RBFOX1: variants seen among roughly 807,000 people sequenced by gnomAD.
RBFOX1 encodes RNA binding protein fox-1 homolog 1.
A neutral mutation model predicts 57.7 loss-of-function variants in RBFOX1; 8 were observed. The observed-to-expected ratio is 0.14, with a 90% CI of 0.08 to 0.25. The LOEUF (loss-of-function observed/expected upper bound fraction) is 0.25, where lower values mean the gene tolerates loss of function less well. RBFOX1 is among the 10% of genes least tolerant of loss of function. RBFOX1 has a pLI of 1.00. For missense variants in RBFOX1, 611 were observed against 548.5 expected (o/e 1.11, Z -1.14); for synonymous variants, 326 against 222.4 (o/e 1.47, Z -4.15).
chr16:6,255,555 C>T (rs2097655676), intron 1 of RBFOX1, among the ~76,000 whole-genome samples: 1 of 151,972 alleles, frequency 6.6e-6, no homozygotes, highest in South Asian at 2.1e-4. Flanking sequence ...CAGGTGGGTG[C>T]CAACAGGAGG....
At chr16:5,786,785 A>G (rs1567540892) in intron 3 of RBFOX1, among the ~76,000 whole-genome samples, 1 of 152,170 alleles carries the variant, frequency 6.6e-6, no homozygotes, top group Non-Finnish European at 1.5e-5. Context: ...ACAGTGAGAA[A>G]TTGGTGTTTG....
At chr16:6,779,999 A>ATATATT (rs1567211186) in intron 3 of RBFOX1, among the ~76,000 whole-genome samples, 1 of 18,610 alleles carries the variant, frequency 5.4e-5, no homozygotes, top group African/African-American at 2.6e-4. Context: ...TTATATATTT[A>ATATATT]TATATATTTA....
intron 3 of RBFOX1, among the ~76,000 whole-genome samples, chr16:5,794,108 G>C (rs2054795393): frequency 6.6e-6 from 1 of 152,162 alleles, no homozygotes; most frequent in South Asian, 2.1e-4. Flanking sequence ...TACATCTGTG[G>C]TGTTGGGCAT....
intron 1 of RBFOX1, among the ~76,000 whole-genome samples, chr16:6,069,398 CAAA>C (rs34337622): frequency 0.12 from 13,272 of 113,844 alleles, 852 homozygotes; most frequent in East Asian, 0.3. Context: ...AACTCTGCCT[CAAA>C]AAAAAAAAAA....
chr16:6,965,777 A>C (rs1315507243), intron 3 of RBFOX1, among the ~76,000 whole-genome samples: 1 of 152,218 alleles, frequency 6.6e-6, no homozygotes, highest in Non-Finnish European at 1.5e-5. Context: ...CTCCATAGCA[A>C]GTACTCACTT....
chr16:6,372,208 G>C (rs1481935466), intron 2 of RBFOX1, among the ~76,000 whole-genome samples: 1 of 151,754 alleles, frequency 6.6e-6, no homozygotes, highest in African/African-American at 2.4e-5. Flanking sequence ...CGGATGAGAG[G>C]GTGGTTGGTA....
chr16:5,707,775 A>G (rs911179539), intron 3 of RBFOX1, among the ~76,000 whole-genome samples: 7 of 152,192 alleles, frequency 4.6e-5, no homozygotes, highest in Admixed American at 4.6e-4. Flanking sequence ...AACCTGTGTA[A>G]AGGACATGGT....
intron 2 of RBFOX1, among the ~76,000 whole-genome samples, chr16:6,330,504 T>C (rs1459315429): frequency 1.3e-5 from 2 of 152,178 alleles, no homozygotes; most frequent in African/African-American, 4.8e-5. Flanking sequence ...CTAACATTCC[T>C]GTGATGCTCT....
intron 1 of RBFOX1, among the ~76,000 whole-genome samples, chr16:6,279,787 G>T (rs1392911532): frequency 1.3e-5 from 2 of 152,084 alleles, no homozygotes; most frequent in African/African-American, 4.8e-5. Context: ...ACAAAACCTG[G>T]CTGAAAGATT....
In RBFOX1 at chr16:6,097,370, C is replaced by G. The variant is rs2096257859; in HGVS notation, c.-127+77378C>G. The stretch of plus-strand genomic sequence containing the variant: ...GATATTAAAATTTTGCAAGCCGCCA[C>G]TCTAGAGAAGTACCACTCAAACCAT... On this transcript the variant is annotated intron_variant, in intron 1 of 15. Transcript: ENST00000550418. The surrounding 1 kb of genome is among the most constrained non-coding windows in gnomAD (Gnocchi z 5.0). 6.6e-6 allele frequency among the ~76,000 whole-genome samples: 1 copy of G among 152,116 alleles called. No homozygotes were observed. The highest frequency in any genetic ancestry group is 1.5e-5 in the Non-Finnish European group (1 of 68,038).
rs74007091 is a variant in RBFOX1 at position 6,812,109 on chromosome 16, C to T, written c.-16+157459C>T. On this transcript the variant is annotated intron_variant, in intron 3 of 15. Coordinates refer to ENST00000550418, the MANE Select transcript of RBFOX1 (RefSeq NM_018723.4). ...ACTCCATATGATGAAGAAGCCTTCA[C>T]GAGAAACTCACTACCAAAGCAAAAT... 7.1e-3 allele frequency among the ~76,000 whole-genome samples: 1,088 copies of T among 152,170 alleles called. 14 individuals carry two copies. Among genetic ancestry groups the T allele is most frequent in the African/African-American group, 0.025 (1,034 of 41,504 alleles).
chr16:7,359,412 G>A (rs2097277367), intron 4 of RBFOX1, among the ~76,000 whole-genome samples: 1 of 151,584 alleles, frequency 6.6e-6, no homozygotes, highest in African/African-American at 2.4e-5. Context: ...GTGCACATGT[G>A]AATGTGTGAT....
chr16:7,536,325 G>T (rs1217471871), intron 5 of RBFOX1, among the ~76,000 whole-genome samples: 1 of 152,230 alleles, frequency 6.6e-6, no homozygotes, highest in African/African-American at 2.4e-5. Flanking sequence ...TGGGCGCGGT[G>T]GCTCATGCCT....
intron 2 of RBFOX1, among the ~76,000 whole-genome samples, chr16:6,610,520 A>C (rs1308855296): frequency 1.3e-5 from 2 of 152,048 alleles, no homozygotes; most frequent in East Asian, 3.9e-4. Context: ...TGTAGAGATG[A>C]GGACTCCCTT....
intron 3 of RBFOX1, among the ~76,000 whole-genome samples, chr16:6,660,563 T>A (rs976577813): frequency 7.9e-5 from 12 of 152,284 alleles, no homozygotes; most frequent in Admixed American, 2.6e-4. Flanking sequence ...ATGTCTGGGT[T>A]TCAATCCCAG....
At chr16:5,390,758 T>C (rs526186) in intron 1 of RBFOX1, among the ~76,000 whole-genome samples, 6,382 of 152,216 alleles carry the variant, frequency 0.042, 464 homozygotes, top group African/African-American at 0.15. Flanking sequence ...CTGGGTCAAA[T>C]GAATTGTTCC....
chr16:7,526,077 G>A (rs1168739322), intron 5 of RBFOX1, among the ~76,000 whole-genome samples: 1 of 152,178 alleles, frequency 6.6e-6, no homozygotes, highest in African/African-American at 2.4e-5. Flanking sequence ...GATCAACAAT[G>A]GCATTAGATT....
intron 3 of RBFOX1, among the ~76,000 whole-genome samples, chr16:6,728,998 T>C (rs1603467228): frequency 6.6e-6 from 1 of 152,186 alleles, no homozygotes; most frequent in South Asian, 2.1e-4. Flanking sequence ...TTCATTTTTG[T>C]TAATACAGTC....
At chr16:6,417,675 C>T (rs1048395807) in intron 2 of RBFOX1, among the ~76,000 whole-genome samples, 1 of 149,112 alleles carries the variant, frequency 6.7e-6, no homozygotes, top group South Asian at 2.1e-4. Context: ...CAGGTGTGAG[C>T]CACCATGTCT....
Sources: allele counts gnomAD v4.1 joint callset (sites outside exome capture counted in the v4.1 genomes callset), GRCh38; gene constraint gnomAD v4.1.1; non-coding constraint Gnocchi (gnomAD v3.1); transcripts MANE v1.5; gene names NCBI Gene and HGNC (gene_info 2026-07-23, HGNC 2026-07-21).